Variants in SCHIP1 observed in about 807,000 individuals in gnomAD.
The protein encoded by SCHIP1 is schwannomin-interacting protein 1.
A neutral mutation model predicts 29.7 loss-of-function variants in SCHIP1; 8 were observed. That is an observed-to-expected ratio of 0.27 (90% CI 0.16 to 0.49). SCHIP1 has a LOEUF of 0.49. Among genes scored for constraint, SCHIP1 ranks in the 20% least tolerant of loss-of-function variants. The probability of loss-of-function intolerance (pLI) is 0.99; values close to 1 mark genes in which losing one functional copy is unlikely to be tolerated. For synonymous variants in SCHIP1, 76 were observed against 94.9 expected (o/e 0.80, Z 1.16); for missense variants, 193 against 294.6 (o/e 0.66, Z 2.52).
the SCHIP1 span, among the ~76,000 whole-genome samples, chr3:159,507,575 C>T: frequency 6.6e-6 from 1 of 152,120 alleles, no homozygotes; most frequent in Admixed American, 6.5e-5. Flanking sequence ...CCAGTTTTTG[C>T]CCTTTCAGTA....
At chr3:159,596,616 G>A in the SCHIP1 span, among the ~76,000 whole-genome samples, 5 of 152,162 alleles carry the variant, frequency 3.3e-5, no homozygotes, top group Admixed American at 2.0e-4. Context: ...ATACTATGCA[G>A]CCATAAAAAA....
exon 3 of SCHIP1, chr3:159,886,297 C>A (rs759244952): frequency 6.2e-7 from 1 of 1,614,070 alleles, no homozygotes; most frequent in Non-Finnish European, 8.5e-7. Context: ...AGACTGAAAC[C>A]AGCTTGGACA....
the SCHIP1 span, among the ~76,000 whole-genome samples, chr3:159,369,625 A>G: frequency 2.0e-4 from 31 of 152,152 alleles, no homozygotes; most frequent in African/African-American, 7.2e-4. Flanking sequence ...ACTGCCCCCA[A>G]GTGATACTTG....
the SCHIP1 span, among the ~76,000 whole-genome samples, chr3:159,736,212 A>G: frequency 5.9e-5 from 9 of 152,258 alleles, no homozygotes; most frequent in African/African-American, 2.2e-4. Flanking sequence ...AATCAAAAAG[A>G]AGTCGATGCT....
At chr3:159,315,933 G>C in the SCHIP1 span, among the ~76,000 whole-genome samples, 2 of 132,708 alleles carry the variant, frequency 1.5e-5, no homozygotes, top group African/African-American at 5.2e-5. Flanking sequence ...CGGGGAGGGG[G>C]TAGGGGGCTT....
the SCHIP1 span, among the ~76,000 whole-genome samples, chr3:159,521,939 C>G: frequency 1.3e-5 from 2 of 152,134 alleles, no homozygotes; most frequent in African/African-American, 4.8e-5. Flanking sequence ...CATGTACTTT[C>G]CAATTTAATT....
chr3:159,514,202 T>TG, the SCHIP1 span, among the ~76,000 whole-genome samples: 4 of 152,122 alleles, frequency 2.6e-5, no homozygotes. Flanking sequence ...TGGAAAACTA[T>TG]GAATGTGCGT....
chr3:159,427,578 A>G, the SCHIP1 span, among the ~76,000 whole-genome samples: 1 of 152,164 alleles, frequency 6.6e-6, no homozygotes, highest in Non-Finnish European at 1.5e-5. Flanking sequence ...TTCCATGCTC[A>G]TGGGTAGGAA....
the SCHIP1 span, among the ~76,000 whole-genome samples, chr3:159,638,613 AG>A: frequency 2.0e-5 from 3 of 147,986 alleles, no homozygotes; most frequent in South Asian, 2.1e-4. Flanking sequence ...CCTATTATAG[AG>A]GAAAAAAAAA....
At chr3:159,305,411 C>A in the SCHIP1 span, among the ~76,000 whole-genome samples, 2 of 152,238 alleles carry the variant, frequency 1.3e-5, no homozygotes, top group African/African-American at 4.8e-5. Flanking sequence ...GATCTTCCCA[C>A]TCCATACCTG....
chr3:159,523,775 T>G, the SCHIP1 span, among the ~76,000 whole-genome samples: 2 of 152,242 alleles, frequency 1.3e-5, no homozygotes, highest in African/African-American at 4.8e-5. Context: ...AAGACACTGA[T>G]CTCTGCCCTC....
chr3:159,733,750 A>T, the SCHIP1 span, among the ~76,000 whole-genome samples: 1 of 152,228 alleles, frequency 6.6e-6, no homozygotes, highest in Non-Finnish European at 1.5e-5. Context: ...TGTTCATGAA[A>T]AAAGATTTTG....
At chr3:159,522,787 T>G in the SCHIP1 span, among the ~76,000 whole-genome samples, 1 of 152,182 alleles carries the variant, frequency 6.6e-6, no homozygotes, top group Admixed American at 6.5e-5. Flanking sequence ...GAGAATCCCT[T>G]GAACCTGGGA....
the SCHIP1 span, among the ~76,000 whole-genome samples, chr3:159,513,482 A>T: frequency 4.9e-5 from 4 of 82,006 alleles, no homozygotes; most frequent in African/African-American, 4.0e-4. Flanking sequence ...TTGCCTTTTT[A>T]GTAGCATTAT....
At chr3:159,345,579 T>TCG in the SCHIP1 span, among the ~76,000 whole-genome samples, 1 of 151,752 alleles carries the variant, frequency 6.6e-6, no homozygotes, top group Non-Finnish European at 1.5e-5. Context: ...TCTCTCTCTC[T>TCG]CACTCACTCA....
chr3:159,733,660 C>T, the SCHIP1 span, among the ~76,000 whole-genome samples: 1 of 152,168 alleles, frequency 6.6e-6, no homozygotes, highest in African/African-American at 2.4e-5. Flanking sequence ...ATTCATTCAT[C>T]TGAGTAGTCA....
the SCHIP1 span, among the ~76,000 whole-genome samples, chr3:159,383,517 A>G: frequency 5.2e-3 from 780 of 151,438 alleles, 4 homozygotes; most frequent in Non-Finnish European, 8.0e-3. Context: ...GTAGCCTTGT[A>G]GTATAGTTTG....
At chr3:159,467,460 G>A in the SCHIP1 span, among the ~76,000 whole-genome samples, 1 of 151,010 alleles carries the variant, frequency 6.6e-6, no homozygotes, top group Admixed American at 6.6e-5. Flanking sequence ...AACCAGAAAT[G>A]AGAAGTAAAA....
the SCHIP1 span, among the ~76,000 whole-genome samples, chr3:159,664,513 ATGT>A: frequency 6.6e-6 from 1 of 152,086 alleles, no homozygotes; most frequent in South Asian, 2.1e-4. Flanking sequence ...TAATAAAAAA[ATGT>A]TGTAAAAGTG....
Sources: gnomAD v4.1 joint callset for allele counts (sites outside exome capture counted in the v4.1 genomes callset) on GRCh38, gnomAD v4.1.1 for gene constraint, MANE v1.5 for transcripts, NCBI Gene and HGNC (gene_info 2026-07-23, HGNC 2026-07-21) for gene names.